The following ACOXL variants were observed in gnomAD, a reference collection of about 807,000 sequenced individuals.
ACOXL encodes the protein acyl-coenzyme A oxidase-like protein.
ACOXL carries 70 observed loss-of-function variants against 71.9 expected under a neutral mutation model. That is an observed-to-expected ratio of 0.97 (90% CI 0.80 to 1.19). The LOEUF is 1.19. Ranked by LOEUF, ACOXL falls within the 50% of genes most tolerant of loss-of-function variation. The probability of loss-of-function intolerance (pLI) is 0.00; values close to 1 mark genes in which losing one functional copy is unlikely to be tolerated. For synonymous variants in ACOXL, 253 were observed against 281.6 expected (o/e 0.90, Z 1.02); for missense variants, 703 against 736.3 (o/e 0.95, Z 0.52).
At chr2:110,952,253 T>C (rs1278575226) in intron 12 of ACOXL, among the ~76,000 whole-genome samples, 1 of 152,180 alleles carries the variant, frequency 6.6e-6, no homozygotes, top group Non-Finnish European at 1.5e-5. Flanking sequence ...GTTTTAAAAT[T>C]TATCAACCAT....
intron 9 of ACOXL, among the ~76,000 whole-genome samples, chr2:110,813,414 G>A (rs113974451): frequency 3.5e-4 from 54 of 152,268 alleles, no homozygotes; most frequent in African/African-American, 1.2e-3. Flanking sequence ...CCAGGCCTCT[G>A]CTTGGGAGAG....
At chr2:111,038,124 G>C (rs2065609922) in intron 15 of ACOXL, among the ~76,000 whole-genome samples, 1 of 152,204 alleles carries the variant, frequency 6.6e-6, no homozygotes, top group African/African-American at 2.4e-5. Context: ...TAGGGACAGA[G>C]CAACTCTAAT....
At chr2:110,809,363 C>T (rs751563936) in intron 9 of ACOXL, among the ~76,000 whole-genome samples, 4 of 152,206 alleles carry the variant, frequency 2.6e-5, no homozygotes, top group Non-Finnish European at 4.4e-5. Context: ...AGCTGAGCTG[C>T]GGGGCTGCAT....
At chr2:111,033,240 A>G (rs149923133) in intron 15 of ACOXL, among the ~76,000 whole-genome samples, 112 of 152,336 alleles carry the variant, frequency 7.4e-4, no homozygotes, top group Middle Eastern at 3.4e-3. Context: ...ATGAAGGCAC[A>G]GGATTGGGTC....
chr2:110,889,455 AC>A (rs1697688565), intron 10 of ACOXL, among the ~76,000 whole-genome samples: 1 of 152,136 alleles, frequency 6.6e-6, no homozygotes. Context: ...ATTTCTATCA[AC>A]CCTTGAAAGA....
chr2:110,957,823 G>A (rs892418238), intron 12 of ACOXL, among the ~76,000 whole-genome samples: 3 of 152,028 alleles, frequency 2.0e-5, no homozygotes, highest in Non-Finnish European at 4.4e-5. Flanking sequence ...TTGGGAGGCC[G>A]AGGCGGGCGG....
Position 111,026,177 on chromosome 2 carries a change from C to A in ACOXL, c.1282-5450C>A, listed in dbSNP as rs530641354. 1.7e-4 allele frequency among the ~76,000 whole-genome samples: 26 copies of A among 152,254 alleles called. No homozygotes were observed. The South Asian group carries it at 5.0e-3, about 29-fold the overall frequency. Reference sequence around the variant, plus strand: ...GCGTTTACTATAGCTTTATAGGAAGCCTTAAAATGAGGCAGTGTGAATCCT... The same window carrying A: ...GCGTTTACTATAGCTTTATAGGAAGACTTAAAATGAGGCAGTGTGAATCCT... On this transcript the variant is annotated intron_variant, in intron 14 of 17. Coordinates refer to ENST00000439055, the MANE Select transcript of ACOXL (RefSeq NM_001142807.4).
intron 14 of ACOXL, among the ~76,000 whole-genome samples, chr2:111,017,683 C>T (rs1032313434): frequency 6.6e-6 from 1 of 152,166 alleles, no homozygotes; most frequent in Non-Finnish European, 1.5e-5. Flanking sequence ...TTGCCAGCTT[C>T]GTGGCTTAGC....
chr2:110,798,384 G>A (rs1573564393), intron 5 of ACOXL, among the ~76,000 whole-genome samples: 1 of 151,814 alleles, frequency 6.6e-6, no homozygotes. Flanking sequence ...AGCCTCCCGA[G>A]TAGCTGGGAC....
At chr2:110,933,425 G>A (rs1179695011) in intron 11 of ACOXL, 64 bp from the exon 12 acceptor site, 1 of 1,547,720 alleles carries the variant, frequency 6.5e-7, no homozygotes, top group African/African-American at 1.4e-5. Flanking sequence ...CACAGATAAT[G>A]CTCCTTCACA....
chr2:110,737,924 G>C (rs1011471859), intron 1 of ACOXL, among the ~76,000 whole-genome samples: 3 of 152,236 alleles, frequency 2.0e-5, no homozygotes, highest in African/African-American at 7.2e-5. Context: ...GGCTACTCCT[G>C]TTGAGAGGTG....
intron 1 of ACOXL, among the ~76,000 whole-genome samples, chr2:110,765,870 A>T (rs1680988515): frequency 6.6e-6 from 1 of 152,234 alleles, no homozygotes; most frequent in South Asian, 2.1e-4. Context: ...CATTTAGACC[A>T]TAGCAATCTG....
chr2:110,862,624 A>G (rs935071631), intron 10 of ACOXL, among the ~76,000 whole-genome samples: 4 of 152,250 alleles, frequency 2.6e-5, no homozygotes, highest in African/African-American at 9.6e-5. Flanking sequence ...TGTTGGGCGG[A>G]AGCCCAGAGG....
intron 9 of ACOXL, among the ~76,000 whole-genome samples, chr2:110,806,287 G>T (rs1165727408): frequency 6.6e-6 from 1 of 152,234 alleles, no homozygotes; most frequent in Non-Finnish European, 1.5e-5. Flanking sequence ...CGCGTACGCG[G>T]CCTGGCCTCG....
chr2:110,925,041 G>A (rs2060220776), intron 11 of ACOXL, among the ~76,000 whole-genome samples: 1 of 152,142 alleles, frequency 6.6e-6, no homozygotes, highest in African/African-American at 2.4e-5. Context: ...CATTGTCAAT[G>A]AGCAGTAACA....
At chr2:110,960,436 C>T (rs938492418) in intron 12 of ACOXL, among the ~76,000 whole-genome samples, 4 of 152,178 alleles carry the variant, frequency 2.6e-5, no homozygotes, top group African/African-American at 9.6e-5. Context: ...CCGTACCTTC[C>T]ATGTGCAGTC....
At chr2:111,087,727 G>C (rs148599358) in intron 16 of ACOXL, among the ~76,000 whole-genome samples, 2 of 152,118 alleles carry the variant, frequency 1.3e-5, no homozygotes, top group Non-Finnish European at 2.9e-5. Context: ...CATTCCAGAC[G>C]TAGGAACTGG....
chr2:111,109,835 T>C (rs2069823976), intron 17 of ACOXL, among the ~76,000 whole-genome samples: 1 of 151,874 alleles, frequency 6.6e-6, no homozygotes, highest in African/African-American at 2.4e-5. Flanking sequence ...TGCACCACCA[T>C]GCCTGGCTAA....
intron 16 of ACOXL, among the ~76,000 whole-genome samples, chr2:111,077,262 T>C (rs1399703638): frequency 6.6e-6 from 1 of 152,198 alleles, no homozygotes; most frequent in Non-Finnish European, 1.5e-5. Flanking sequence ...AACTACAATA[T>C]ATATACTTAA....
Sources: gnomAD v4.1 joint callset for allele counts (sites outside exome capture counted in the v4.1 genomes callset) on GRCh38, gnomAD v4.1.1 for gene constraint, MANE v1.5 for transcripts, NCBI Gene and HGNC (gene_info 2026-07-23, HGNC 2026-07-21) for gene names.